The following CAPRIN1 variants were observed in gnomAD, a reference collection of about 807,000 sequenced individuals.
CAPRIN1 encodes the protein cell cycle associated protein 1.
In CAPRIN1, 29 loss-of-function variants were observed where a neutral mutation model predicts 100.9. The observed-to-expected ratio is 0.29, with a 90% CI of 0.21 to 0.39. The LOEUF (loss-of-function observed/expected upper bound fraction) is 0.39. Among genes scored for constraint, CAPRIN1 ranks in the 10% least tolerant of loss-of-function variants. The pLI is 1.00. For missense variants in CAPRIN1, 795 were observed against 876.7 expected (o/e 0.91, Z 1.18); for synonymous variants, 338 against 307.5 (o/e 1.10, Z -1.04).
chr11:34,076,792 A>C (rs897862219), intron 6 of CAPRIN1, 150 bp downstream of exon 6: 2 of 608,862 alleles, frequency 3.3e-6, no homozygotes, highest in Non-Finnish European at 5.7e-6. Flanking sequence ...GGAGTGTAGT[A>C]GTGTGATCTC....
chr11:34,084,553 A>T (rs1362978825), intron 9 of CAPRIN1, among the ~76,000 whole-genome samples: 4 of 152,108 alleles, frequency 2.6e-5, no homozygotes, highest in Non-Finnish European at 5.9e-5. Context: ...GTCTGCTCAT[A>T]CTCAAGTTGT....
At chr11:34,079,907 T>TTTTTGTTTTTTG (rs1850982950) in intron 7 of CAPRIN1, 142 bp downstream of exon 7, 1 of 1,594 alleles carries the variant, frequency 6.3e-4, no homozygotes, top group African/African-American at 6.2e-3. Flanking sequence ...ATGACAAAGT[T>TTTTTGTTTTTTG]TTTTTTTTTT....
intron 2 of CAPRIN1, 58 bp from the exon 3 acceptor site, chr11:34,071,668 C>A (rs982415709): frequency 1.9e-5 from 23 of 1,210,944 alleles, no homozygotes; most frequent in Non-Finnish European, 2.7e-5. Context: ...GTCAAGCATG[C>A]TTAAGCTGGT....
At chr11:34,088,816 T>G (rs1174577790) in intron 11 of CAPRIN1, among the ~76,000 whole-genome samples, 6 of 152,136 alleles carry the variant, frequency 3.9e-5, no homozygotes, top group Non-Finnish European at 7.4e-5. Flanking sequence ...TACTTTACTT[T>G]TGGAAAAAAC....
Position 34,086,227 on chromosome 11 carries a change from C to A in CAPRIN1, c.1122+8C>A, listed in dbSNP as rs956269185. The A allele has an allele frequency of 6.2e-7, 1 of 1,613,194 alleles. No homozygotes were observed. Among genetic ancestry groups the A allele is most frequent in the Non-Finnish European group, 8.5e-7 (1 of 1,179,306 alleles). On this transcript the variant is annotated splice_region_variant and intron_variant, in intron 10 of 18. Transcript: ENST00000341394. ...CCCTATAATTTCATACAGGTATGTT[C>A]ATTTTAGTCAGACTCTGTAACAGAA...
intron 12 of CAPRIN1, 81 bp downstream of exon 12, chr11:34,089,537 T>TGG (rs1202418762): frequency 1.6e-5 from 12 of 770,830 alleles, no homozygotes; most frequent in Non-Finnish European, 2.4e-5. Flanking sequence ...GAGGCTGAGA[T>TGG]GGGAGGATCA....
intron 6 of CAPRIN1, among the ~76,000 whole-genome samples, chr11:34,078,598 A>C (rs1229766913): frequency 6.6e-6 from 1 of 151,928 alleles, no homozygotes; most frequent in Non-Finnish European, 1.5e-5. Flanking sequence ...GCTTCATCTC[A>C]GTTTTATTTT....
intron 18 of CAPRIN1, chr11:34,098,770 CA>C: frequency 1.0e-6 from 1 of 985,130 alleles, no homozygotes; most frequent in Non-Finnish European, 1.2e-6. Flanking sequence ...TCTGTTTTAA[CA>C]GCATGTAAAA....
chr11:34,060,505 C>T (rs1019511374), intron 2 of CAPRIN1, among the ~76,000 whole-genome samples: 2 of 152,062 alleles, frequency 1.3e-5, no homozygotes, highest in Non-Finnish European at 2.9e-5. Context: ...GTGCCTGGCC[C>T]CCCTCAATAC....
chr11:34,063,626 G>C (rs535824611), intron 2 of CAPRIN1, among the ~76,000 whole-genome samples: 2 of 152,260 alleles, frequency 1.3e-5, no homozygotes, highest in Admixed American at 6.5e-5. Context: ...TAAAGACTCT[G>C]GGTAATCTGG....
chr11:34,082,889 A>G lies in CAPRIN1; in HGVS notation c.879+12A>G. 1 of 1,613,828 alleles carries G rather than the reference A, an allele frequency of 6.2e-7. No homozygotes were observed. ...TTGAATCAACAGAGGTATGATTTTA[A>G]TTTAATGCTGCCTTTACTTTGCTGC... On this transcript the variant is annotated intron_variant, in intron 8 of 18. Coordinates refer to ENST00000341394, the MANE Select transcript of CAPRIN1 (RefSeq NM_005898.5).
At chr11:34,055,800 G>A (rs944981738) in intron 2 of CAPRIN1, 1 of 152,136 alleles carries the variant, frequency 6.6e-6, no homozygotes, top group Non-Finnish European at 1.5e-5. Flanking sequence ...AAAAGGTCAA[G>A]TTACAGTTAA....
At chr11:34,072,215 T>C (rs1850815622) in intron 4 of CAPRIN1, among the ~76,000 whole-genome samples, 1 of 151,900 alleles carries the variant, frequency 6.6e-6, no homozygotes, top group African/African-American at 2.4e-5. Context: ...CCCTGGCTCC[T>C]CAATAGGTTG....
intron 1 of CAPRIN1, 55 bp from the exon 2 acceptor site, chr11:34,052,366 C>A: frequency 7.0e-7 from 1 of 1,433,726 alleles, no homozygotes; most frequent in Non-Finnish European, 9.7e-7. Context: ...CGTCTCCTGA[C>A]TGGCCGCTCT....
At chr11:34,088,337 G>GAT (rs1239093650) in intron 11 of CAPRIN1, among the ~76,000 whole-genome samples, 2 of 151,968 alleles carry the variant, frequency 1.3e-5, no homozygotes, top group African/African-American at 4.8e-5. Flanking sequence ...TTTTTCTCTA[G>GAT]AAACACTTGA....
intron 16 of CAPRIN1, 55 bp downstream of exon 16, chr11:34,096,728 T>C: frequency 2.9e-6 from 4 of 1,388,450 alleles, no homozygotes; most frequent in Non-Finnish European, 4.0e-6. Flanking sequence ...AAATTATTTT[T>C]TGATTTGTAA....
intron 3 of CAPRIN1, 49 bp from the exon 4 acceptor site, chr11:34,071,852 C>G (rs762916537): frequency 6.3e-7 from 1 of 1,582,676 alleles, no homozygotes; most frequent in African/African-American, 1.3e-5. Flanking sequence ...AAAATTAATT[C>G]TGTGGTTTTT....
At chr11:34,055,054 A>G (rs1404372980) in intron 2 of CAPRIN1, among the ~76,000 whole-genome samples, 1 of 152,194 alleles carries the variant, frequency 6.6e-6, no homozygotes, top group African/African-American at 2.4e-5. Flanking sequence ...TCTAGTTTAT[A>G]AGCCCCTCCT....
chr11:34,080,262 A>C (rs1850999226), intron 7 of CAPRIN1, among the ~76,000 whole-genome samples: 1 of 152,056 alleles, frequency 6.6e-6, no homozygotes, highest in African/African-American at 2.4e-5. Context: ...AGTAATTCCT[A>C]CCAGTATTCA....
Sources: allele counts gnomAD v4.1 joint callset (sites outside exome capture counted in the v4.1 genomes callset), GRCh38; gene constraint gnomAD v4.1.1; transcripts MANE v1.5; gene names NCBI Gene and HGNC (gene_info 2026-07-23, HGNC 2026-07-21).